SUSD4: variants seen among roughly 807,000 people sequenced by gnomAD.
SUSD4 encodes sushi domain containing 4.
Under a neutral mutation model 50.5 loss-of-function variants are expected in SUSD4, and 41 were observed. That is an observed-to-expected ratio of 0.81 (90% confidence interval 0.63 to 1.05). The LOEUF (loss-of-function observed/expected upper bound fraction) is 1.05. SUSD4 is among the 50% of genes least tolerant of loss of function. The pLI is 0.00. For missense variants in SUSD4, 580 were observed against 634.7 expected (o/e 0.91, Z 0.93); for synonymous variants, 257 against 257.3 (o/e 1.00, Z 0.01).
chr1:223,231,048 C>T lies in SUSD4; in HGVS notation c.725-1660G>A, dbSNP rs537870710. Among the ~76,000 whole-genome samples, 18 of 152,174 alleles carry T rather than the reference C, an allele frequency of 1.2e-4. No homozygotes were observed. Among genetic ancestry groups the T allele is most frequent in the Non-Finnish European group, 2.4e-4 (16 of 68,032 alleles). The stretch of plus-strand genomic sequence containing the variant: ...GATTAGTGAGAGCAGGAAGCCACTA[C>T]CGCTCCTGGGCTGGTGGGATGAAGG... On this transcript the variant is annotated intron_variant, in intron 5 of 8. Coordinates refer to ENST00000366878, the MANE Select transcript of SUSD4 (RefSeq NM_017982.4). The surrounding 1 kb of genome is among the most constrained non-coding windows in gnomAD (Gnocchi z 4.2).
intron 3 of SUSD4, among the ~76,000 whole-genome samples, chr1:223,291,152 C>T (rs1664461851): frequency 6.6e-6 from 1 of 152,140 alleles, no homozygotes; most frequent in Non-Finnish European, 1.5e-5. Flanking sequence ...ACCATCTTAT[C>T]TATCCTTTAC....
chr1:223,282,681 T>C (rs1663830901), intron 3 of SUSD4, among the ~76,000 whole-genome samples: 1 of 152,196 alleles, frequency 6.6e-6, no homozygotes, highest in South Asian at 2.1e-4. Flanking sequence ...AATTTATAGA[T>C]TCAATGCCAT....
intron 2 of SUSD4, among the ~76,000 whole-genome samples, chr1:223,352,392 T>C (rs1668416326): frequency 6.6e-6 from 1 of 152,192 alleles, no homozygotes; most frequent in Non-Finnish European, 1.5e-5. Context: ...ATAAATGCCC[T>C]GCTACCTCCT....
chr1:223,275,980 A>G lies in SUSD4; in HGVS notation c.362-7305T>C, dbSNP rs151088030. On this transcript the variant is annotated intron_variant, in intron 3 of 8. Transcript: ENST00000366878. Reference sequence around the variant, plus strand: ...AGACCCAGCATGGGGTGCCAAGGAGATCTGAATCAGTAATAGGACTCACAG... The same window carrying G: ...AGACCCAGCATGGGGTGCCAAGGAGGTCTGAATCAGTAATAGGACTCACAG... 6.1e-3 allele frequency among the ~76,000 whole-genome samples: 931 copies of G among 152,314 alleles called. 11 individuals carry two copies. Among genetic ancestry groups the G allele is most frequent in the African/African-American group, 0.021 (872 of 41,574 alleles).
At position 223,264,701 on chromosome 1, in the gene SUSD4, C is replaced by A. The variant is rs936822918; in HGVS notation, c.653G>T (p.Gly218Val). 3 of 1,614,072 alleles carry A rather than the reference C, an allele frequency of 1.9e-6. No homozygotes were observed. In the African/African-American group the frequency reaches 4.0e-5, roughly 22 times the overall value. Reference sequence around the variant, plus strand: ...TTGTAAGCACTCAAGATACGCAGACCCATCAAGTTTAAATCCGGGAAAGCA... The same window carrying A: ...TTGTAAGCACTCAAGATACGCAGACACATCAAGTTTAAATCCGGGAAAGCA... ...YRCFPGFKLDGSAYLECLQNL... is the reference protein window; with the variant it reads ...YRCFPGFKLDVSAYLECLQNL... The change falls in exon 5 of 9, where the codon GGG becomes GTG. Residue 218 changes from glycine to valine, a missense_variant. Gly to Val is a moderately radical substitution (Grantham distance 109). Coordinates refer to ENST00000366878, the MANE Select transcript of SUSD4 (RefSeq NM_017982.4).
chr1:223,242,381 G>T lies in SUSD4; in HGVS notation c.725-12993C>A, dbSNP rs144962536. 2.6e-3 allele frequency among the ~76,000 whole-genome samples: 401 copies of T among 152,316 alleles called. 2 individuals carry two copies. Among genetic ancestry groups the T allele is most frequent in the African/African-American group, 9.1e-3 (380 of 41,572 alleles). ...CTCATTTCTTGAGTGGGACAGTCTG[G>T]TGTCTGGCATGCTGTGGGGGTTTAA... On this transcript the variant is annotated intron_variant, in intron 5 of 8. Coordinates refer to ENST00000366878, the MANE Select transcript of SUSD4 (RefSeq NM_017982.4).
intron 5 of SUSD4, among the ~76,000 whole-genome samples, chr1:223,236,546 CTTT>C (rs925224105): frequency 7.0e-6 from 1 of 142,128 alleles, no homozygotes; most frequent in Non-Finnish European, 1.6e-5. Flanking sequence ...CTGTGTCTAG[CTTT>C]TTTTTTTTTT....
In SUSD4 at chr1:223,229,100, G is replaced by A; in HGVS notation, c.916+97C>T. 1 of 1,243,620 alleles carries A rather than the reference G, an allele frequency of 8.0e-7. No individual in the cohort carries two copies. The highest frequency in any genetic ancestry group is 1.1e-6 in the Non-Finnish European group (1 of 890,382). The allele number at this position is 1,243,620 out of a possible 1,614,324, so 77.0% of individuals were successfully genotyped here. On this transcript the variant is annotated intron_variant, in intron 6 of 8. Transcript: ENST00000366878. This position sits in a 1 kb window ranked among gnomAD's most constrained non-coding sequence, Gnocchi z 4.7. ...TATCCTGTTCCTGACACTGGGTGGG[G>A]GAGGAGAGATACAGCTTGGTACATA...
intron 5 of SUSD4, among the ~76,000 whole-genome samples, chr1:223,245,430 C>T (rs1464655484): frequency 6.6e-6 from 1 of 151,790 alleles, no homozygotes. Context: ...GGAGGATGTG[C>T]CTGGCAGAGA....
At chr1:223,322,680 GT>G (rs1267494495) in intron 2 of SUSD4, among the ~76,000 whole-genome samples, 1 of 152,148 alleles carries the variant, frequency 6.6e-6, no homozygotes, top group Non-Finnish European at 1.5e-5. Flanking sequence ...GTAGGTACGT[GT>G]GTGTGTGCAT....
At chr1:223,360,379 A>G (rs997300582) in intron 2 of SUSD4, 25 of 360,094 alleles carry the variant, frequency 6.9e-5, no homozygotes, top group African/African-American at 4.6e-4. Flanking sequence ...GCAGGGTCCT[A>G]TATCTCCCCA....
rs1012866109 is a variant in SUSD4, at chr1:223,332,971, AC to A, written c.148+30306del. ...GGAAGCTGCCGCAACTGCACACCACACCCTCCTCTCCCACACAGTTGTCCTG... is the reference window on the plus strand; with the variant it reads ...GGAAGCTGCCGCAACTGCACACCACACCTCCTCTCCCACACAGTTGTCCTG... On this transcript the variant is annotated intron_variant, in intron 2 of 8. Transcript: ENST00000366878. The surrounding 1 kb of genome is among the most constrained non-coding windows in gnomAD (Gnocchi z 4.0). Among the ~76,000 whole-genome samples, 2 of 151,558 alleles carry A rather than the reference AC, an allele frequency of 1.3e-5. No homozygotes were observed. The highest frequency in any genetic ancestry group is 4.9e-5 in the African/African-American group (2 of 41,200).
At chr1:223,281,650 A>T (rs1663739998) in intron 3 of SUSD4, among the ~76,000 whole-genome samples, 1 of 152,214 alleles carries the variant, frequency 6.6e-6, no homozygotes, top group African/African-American at 2.4e-5. Context: ...GCCGAATTCT[A>T]CTAGAGGTAC....
chr1:223,305,545 T>G (rs1203148414), intron 2 of SUSD4, among the ~76,000 whole-genome samples: 3 of 152,216 alleles, frequency 2.0e-5, no homozygotes, highest in African/African-American at 7.2e-5. Flanking sequence ...ATTCCTTAAT[T>G]CAGTGTATTG....
At chr1:223,319,239 C>T (rs370508914) in intron 2 of SUSD4, among the ~76,000 whole-genome samples, 66 of 117,952 alleles carry the variant, frequency 5.6e-4, no homozygotes, top group East Asian at 2.3e-3. Flanking sequence ...AGGACATAGG[C>T]GTGGGCAAGG....
chr1:223,364,196 A>G (rs1169590976), upstream of SUSD4: 1 of 150,472 alleles, frequency 6.6e-6, no homozygotes, highest in South Asian at 2.1e-4. The surrounding 1 kb of genome is among the most constrained non-coding windows in gnomAD (Gnocchi z 4.5). Context: ...GCTCGGCTCC[A>G]GCTCCCCCGC....
chr1:223,250,456 A>G (rs1435970060), intron 5 of SUSD4, among the ~76,000 whole-genome samples: 1 of 152,216 alleles, frequency 6.6e-6, no homozygotes, highest in Non-Finnish European at 1.5e-5. Flanking sequence ...TGCAAAGATA[A>G]GGGAATTGAG....
chr1:223,361,274 G>GTT (rs1668961651), intron 2 of SUSD4, among the ~76,000 whole-genome samples: 1 of 152,116 alleles, frequency 6.6e-6, no homozygotes, highest in Non-Finnish European at 1.5e-5. Context: ...TGCCCAAACG[G>GTT]TTTATTCATA....
At chr1:223,260,271 T>C (rs946456778) in intron 5 of SUSD4, among the ~76,000 whole-genome samples, 9 of 152,350 alleles carry the variant, frequency 5.9e-5, no homozygotes, top group African/African-American at 2.2e-4. Flanking sequence ...AGGAATTATG[T>C]CCTTTCCTTT....
Sources: allele counts gnomAD v4.1 joint callset (sites outside exome capture counted in the v4.1 genomes callset), GRCh38; gene constraint gnomAD v4.1.1; non-coding constraint Gnocchi (gnomAD v3.1); transcripts MANE v1.5; gene names NCBI Gene and HGNC (gene_info 2026-07-23, HGNC 2026-07-21).